The following PRKN variants were observed in gnomAD, a reference collection of about 807,000 sequenced individuals.
PRKN encodes the protein parkin RBR E3 ubiquitin protein ligase, also known as E3 ubiquitin-protein ligase parkin.
A neutral mutation model predicts 59.5 loss-of-function variants in PRKN; 56 were observed. The ratio of observed to expected loss-of-function variants is 0.94; its 90% CI spans 0.76 to 1.18. PRKN has a LOEUF of 1.18. Among genes scored for constraint, PRKN ranks in the 50% most tolerant of loss-of-function variants. The pLI is 0.00. For missense variants in PRKN, 657 were observed against 596.4 expected (o/e 1.10, Z -1.06); for synonymous variants, 250 against 222.1 (o/e 1.13, Z -1.12).
At chr6:162,521,804 T>TA (rs1447951661) in intron 1 of PRKN, among the ~76,000 whole-genome samples, 21 of 152,246 alleles carry the variant, frequency 1.4e-4, no homozygotes, top group South Asian at 1.2e-3. Flanking sequence ...TTCAAATTGT[T>TA]AAAAAATCAC....
chr6:161,564,459 A>C (rs1483822036), intron 8 of PRKN, among the ~76,000 whole-genome samples: 1 of 152,186 alleles, frequency 6.6e-6, no homozygotes, highest in African/African-American at 2.4e-5. Context: ...AATCAGCAGT[A>C]ACTGCCCTAT....
rs781215000 is a variant in PRKN, at chr6:161,889,185, C to T, written c.734+84117G>A. On this transcript the variant is annotated intron_variant, in intron 6 of 11. Coordinates refer to ENST00000366898, the MANE Select transcript of PRKN (RefSeq NM_004562.3). ...AACAAAGTAACCACGAAGTCAGAGA[C>T]GCAGAGATGTGGGGTATCTGAGGGT... 1.2e-4 allele frequency among the ~76,000 whole-genome samples: 19 copies of T among 152,114 alleles called. No individual in the cohort carries two copies. In the East Asian group the frequency reaches 1.9e-3, roughly 16 times the overall value.
intron 6 of PRKN, among the ~76,000 whole-genome samples, chr6:161,824,535 C>A (rs1419955589): frequency 1.3e-5 from 2 of 152,102 alleles, no homozygotes; most frequent in Middle Eastern, 3.2e-3. Flanking sequence ...GATTTATACA[C>A]CCTAATGTAC....
At chr6:162,326,028 G>A (rs1374796862) in intron 2 of PRKN, among the ~76,000 whole-genome samples, 1 of 152,074 alleles carries the variant, frequency 6.6e-6, no homozygotes, top group Non-Finnish European at 1.5e-5. Flanking sequence ...GCTCATAGAA[G>A]GAGTCCAAAT....
intron 1 of PRKN, among the ~76,000 whole-genome samples, chr6:162,560,632 T>C (rs1246449148): frequency 6.6e-6 from 1 of 152,098 alleles, no homozygotes; most frequent in Non-Finnish European, 1.5e-5. Flanking sequence ...CTGGTGTCCT[T>C]TTCATTAAAA....
intron 2 of PRKN, among the ~76,000 whole-genome samples, chr6:162,283,032 G>A (rs1287450769): frequency 6.7e-6 from 1 of 149,500 alleles, no homozygotes; most frequent in Admixed American, 6.7e-5. Flanking sequence ...GACAGTAAAT[G>A]CTTTACTTAG....
intron 2 of PRKN, among the ~76,000 whole-genome samples, chr6:162,434,611 T>C (rs1261188190): frequency 6.6e-6 from 1 of 152,170 alleles, no homozygotes; most frequent in Non-Finnish European, 1.5e-5. Context: ...TACTTTAACA[T>C]AAACTATTAT....
At chr6:162,376,543 G>C (rs965824867) in intron 2 of PRKN, among the ~76,000 whole-genome samples, 2 of 151,422 alleles carry the variant, frequency 1.3e-5, no homozygotes, top group African/African-American at 2.4e-5. Context: ...GTCATCCCCT[G>C]AGAGAGAGGC....
chr6:162,431,166 C>A (rs1389903065), intron 2 of PRKN, among the ~76,000 whole-genome samples: 1 of 139,806 alleles, frequency 7.2e-6, no homozygotes, highest in African/African-American at 2.9e-5. Context: ...CTGCATTTAT[C>A]CCATTTAGTT....
chr6:162,531,497 G>A (rs1221006101), intron 1 of PRKN, among the ~76,000 whole-genome samples: 4 of 152,130 alleles, frequency 2.6e-5, no homozygotes, highest in Non-Finnish European at 4.4e-5. Context: ...TGAGCCAGGA[G>A]TGCTGATTGG....
At chr6:162,182,196 T>C (rs1434810779) in intron 4 of PRKN, among the ~76,000 whole-genome samples, 1 of 152,276 alleles carries the variant, frequency 6.6e-6, no homozygotes, top group East Asian at 1.9e-4. Context: ...AGTCCCTTCT[T>C]GATGGTTCCA....
chr6:162,267,428 A>C (rs1469981774), intron 2 of PRKN, among the ~76,000 whole-genome samples: 1 of 152,098 alleles, frequency 6.6e-6, no homozygotes, highest in African/African-American at 2.4e-5. Context: ...TATACAAAAA[A>C]ATTCCTCAGA....
chr6:161,743,466 G>T (rs1307919551), intron 7 of PRKN, among the ~76,000 whole-genome samples: 1 of 151,222 alleles, frequency 6.6e-6, no homozygotes, highest in African/African-American at 2.4e-5. Flanking sequence ...AGCCAGAATG[G>T]TCTCGATCTC....
chr6:162,570,604 G>T (rs751668134), intron 1 of PRKN, among the ~76,000 whole-genome samples: 1 of 152,160 alleles, frequency 6.6e-6, no homozygotes, highest in African/African-American at 2.4e-5. Context: ...TAAGGAAAAC[G>T]TGGTACACAT....
chr6:162,260,777 G>T (rs751172187), intron 3 of PRKN, among the ~76,000 whole-genome samples: 1 of 152,046 alleles, frequency 6.6e-6, no homozygotes, highest in African/African-American at 2.4e-5. Flanking sequence ...ATAAGTAAAG[G>T]TTTAATTTTG....
chr6:161,962,564 G>C (rs1210416987), intron 6 of PRKN, among the ~76,000 whole-genome samples: 1 of 145,890 alleles, frequency 6.9e-6, no homozygotes, highest in South Asian at 2.2e-4. Context: ...TTTTTGAGAC[G>C]GAGTCTCGCT....
At chr6:162,016,853 G>A (rs1011651409) in intron 5 of PRKN, among the ~76,000 whole-genome samples, 1 of 152,080 alleles carries the variant, frequency 6.6e-6, no homozygotes, top group East Asian at 1.9e-4. Flanking sequence ...TTCTGCATCT[G>A]ATGCTTTCAG....
intron 7 of PRKN, among the ~76,000 whole-genome samples, chr6:161,649,765 A>G (rs2064523): frequency 0.5 from 76,139 of 152,140 alleles, 21,981 homozygotes; most frequent in African/African-American, 0.81. Context: ...TCTTCTCACA[A>G]TGTCAGGTTG....
intron 1 of PRKN, among the ~76,000 whole-genome samples, chr6:162,722,918 AC>A (rs1433020043): frequency 6.6e-6 from 1 of 152,176 alleles, no homozygotes; most frequent in Non-Finnish European, 1.5e-5. Context: ...TCTATGCAAA[AC>A]TTTAGTAGAG....
Sources: gnomAD v4.1 joint callset for allele counts (sites outside exome capture counted in the v4.1 genomes callset) on GRCh38, gnomAD v4.1.1 for gene constraint, MANE v1.5 for transcripts, NCBI Gene and HGNC (gene_info 2026-07-23, HGNC 2026-07-21) for gene names.